Variants in SND1 observed in about 807,000 individuals in gnomAD.
SND1 encodes staphylococcal nuclease and tudor domain containing 1, also known as staphylococcal nuclease domain-containing protein 1.
SND1 carries 38 observed loss-of-function variants against 121.7 expected under a neutral mutation model. The ratio of observed to expected loss-of-function variants is 0.31; its 90% CI spans 0.24 to 0.41. The LOEUF is 0.41. SND1 is among the 10% of genes least tolerant of loss of function. SND1 has a pLI of 1.00. For synonymous variants in SND1, 401 were observed against 447.4 expected, an observed-to-expected ratio of 0.90 and a Z score of 1.31; for missense variants, 868 against 1,184.6, an observed-to-expected ratio of 0.73 and a Z score of 3.92.
chr7:127,880,072 T>A (rs1799762080), intron 12 of SND1, among the ~76,000 whole-genome samples: 2 of 152,148 alleles, frequency 1.3e-5, no homozygotes, highest in Non-Finnish European at 2.9e-5. Context: ...AATTTTAAAT[T>A]GTGTGCCTTT....
At chr7:127,895,148 A>G (rs1017841713) in intron 13 of SND1, among the ~76,000 whole-genome samples, 1 of 152,022 alleles carries the variant, frequency 6.6e-6, no homozygotes, top group Non-Finnish European at 1.5e-5. Context: ...TATCTTCTCA[A>G]CAGTTTAATG....
At chr7:127,797,726 G>A (rs1798052369) in intron 10 of SND1, among the ~76,000 whole-genome samples, 2 of 152,020 alleles carry the variant, frequency 1.3e-5, no homozygotes. Flanking sequence ...TCACATTTAG[G>A]TTTGTGAGGG....
At chr7:127,906,547 A>T (rs1413757268) in intron 14 of SND1, among the ~76,000 whole-genome samples, 1 of 152,162 alleles carries the variant, frequency 6.6e-6, no homozygotes, top group Non-Finnish European at 1.5e-5. Context: ...AAATGCAATG[A>T]AAACCCGTCT....
intron 22 of SND1, among the ~76,000 whole-genome samples, chr7:128,090,057 A>G (rs1473453221): frequency 1.3e-5 from 2 of 152,064 alleles, no homozygotes; most frequent in African/African-American, 4.8e-5. Context: ...GTCAATAACC[A>G]ACTCCTAACA....
Position 127,701,113 on chromosome 7 carries a change from T to C in SND1, c.429-50T>C, listed in dbSNP as rs1351962451. ...AAAACCTATATCAGAGAGCCTCGTA[T>C]TTCTGTTTGTGAACTCACTAACCAC... is the stretch of plus-strand genomic sequence containing the variant. On this transcript the variant is annotated intron_variant, in intron 4 of 23. Transcript: ENST00000354725. The C allele has an allele frequency of 2.5e-6, 4 of 1,595,622 alleles. 1 individual carries two copies. The South Asian group carries it at 4.5e-5, about 18-fold the overall frequency.
chr7:127,947,455 G>A (rs1801352422), intron 15 of SND1, among the ~76,000 whole-genome samples: 1 of 152,194 alleles, frequency 6.6e-6, no homozygotes, highest in Non-Finnish European at 1.5e-5. Context: ...AGCATGTTTG[G>A]ATTCTGTTAT....
chr7:127,667,822 A>T (rs544234427), intron 1 of SND1, among the ~76,000 whole-genome samples: 50 of 152,272 alleles, frequency 3.3e-4, no homozygotes, highest in African/African-American at 1.2e-3. Context: ...TGTATTACAG[A>T]CATGCACATA....
At chr7:128,070,005 C>T (rs1456268960) in intron 16 of SND1, among the ~76,000 whole-genome samples, 3 of 152,190 alleles carry the variant, frequency 2.0e-5, no homozygotes, top group Non-Finnish European at 4.4e-5. Flanking sequence ...TATTCAGCAA[C>T]CTCAAAATCC....
intron 11 of SND1, among the ~76,000 whole-genome samples, chr7:127,816,128 T>C (rs1798434053): frequency 2.0e-5 from 3 of 152,208 alleles, no homozygotes; most frequent in African/African-American, 7.2e-5. Flanking sequence ...GCATGAACAC[T>C]GATGTCCACT....
intron 12 of SND1, among the ~76,000 whole-genome samples, chr7:127,876,082 C>G (rs1430756863): frequency 6.6e-6 from 1 of 152,172 alleles, no homozygotes; most frequent in East Asian, 1.9e-4. Flanking sequence ...GCTTCCTCCT[C>G]TCCCCTAACC....
At chr7:127,799,156 G>T (rs1370223700) in intron 10 of SND1, among the ~76,000 whole-genome samples, 1 of 152,188 alleles carries the variant, frequency 6.6e-6, no homozygotes, top group African/African-American at 2.4e-5. Context: ...GAGATTCTTA[G>T]GCACACTGAA....
chr7:127,771,331 G>A (rs1797509576), intron 10 of SND1, among the ~76,000 whole-genome samples: 1 of 152,184 alleles, frequency 6.6e-6, no homozygotes, highest in African/African-American at 2.4e-5. Flanking sequence ...ATTGGTGTAA[G>A]TGACATGAAT....
chr7:128,060,223 G>A (rs763217780), intron 16 of SND1, among the ~76,000 whole-genome samples: 1 of 152,184 alleles, frequency 6.6e-6, no homozygotes, highest in South Asian at 2.1e-4. Flanking sequence ...TCGTTCGCAT[G>A]TGGGAACTGC....
chr7:127,947,811 T>G, intron 15 of SND1, among the ~76,000 whole-genome samples: 1 of 152,244 alleles, frequency 6.6e-6, no homozygotes, highest in Non-Finnish European at 1.5e-5. Flanking sequence ...TGATTATGTC[T>G]CTTTTGCCCT....
chr7:127,927,285 A>G (rs1473240792), intron 14 of SND1, among the ~76,000 whole-genome samples: 1 of 152,208 alleles, frequency 6.6e-6, no homozygotes, highest in East Asian at 1.9e-4. Context: ...TGAAAAATGT[A>G]ATTTGCTCTG....
At chr7:127,820,510 A>G (rs949646337) in intron 11 of SND1, among the ~76,000 whole-genome samples, 1 of 152,216 alleles carries the variant, frequency 6.6e-6, no homozygotes, top group Non-Finnish European at 1.5e-5. Flanking sequence ...GCTTTGGTGT[A>G]GTTAATCACA....
chr7:127,983,877 C>G (rs940396202), intron 15 of SND1, among the ~76,000 whole-genome samples: 7 of 152,078 alleles, frequency 4.6e-5, no homozygotes, highest in Non-Finnish European at 8.8e-5. Flanking sequence ...GTAGTCATCC[C>G]CACACTAAGT....
intron 12 of SND1, among the ~76,000 whole-genome samples, chr7:127,872,727 A>G (rs949659795): frequency 1.3e-5 from 2 of 152,018 alleles, no homozygotes; most frequent in African/African-American, 2.4e-5. Flanking sequence ...TCTAAGCTTT[A>G]GAAAACAAAC....
At chr7:127,902,473 G>A (rs1224174891) in intron 13 of SND1, among the ~76,000 whole-genome samples, 1 of 152,208 alleles carries the variant, frequency 6.6e-6, no homozygotes, top group African/African-American at 2.4e-5. Context: ...GCCTGTTGGT[G>A]GCAGAGGAGG....
Sources: gnomAD v4.1 joint callset for allele counts (sites outside exome capture counted in the v4.1 genomes callset) on GRCh38, gnomAD v4.1.1 for gene constraint, MANE v1.5 for transcripts, NCBI Gene and HGNC (gene_info 2026-07-23, HGNC 2026-07-21) for gene names.